Variants in SLC39A11 observed in about 807,000 individuals in gnomAD.
SLC39A11 encodes zinc transporter ZIP11.
SLC39A11 carries 33 observed loss-of-function variants against 36.1 expected under a neutral mutation model. The observed-to-expected ratio is 0.91, with a 90% CI of 0.69 to 1.22. The LOEUF (loss-of-function observed/expected upper bound fraction) is 1.22, where lower values mean the gene tolerates loss of function less well. Ranked by LOEUF, SLC39A11 falls within the 50% of genes most tolerant of loss-of-function variation. The pLI, the probability that SLC39A11 is intolerant of heterozygous loss-of-function variation, is 0.00. For synonymous variants in SLC39A11, 166 were observed against 170.3 expected, an observed-to-expected ratio of 0.97 and a Z score of 0.20; for missense variants, 432 against 430.3, an observed-to-expected ratio of 1.00 and a Z score of -0.03.
chr17:72,865,835 C>G (rs1404880106), intron 5 of SLC39A11, among the ~76,000 whole-genome samples: 2 of 152,012 alleles, frequency 1.3e-5, no homozygotes, highest in African/African-American at 4.8e-5. Context: ...CACATACAAC[C>G]AAGAAAAAAC....
At chr17:72,991,451 G>A (rs1246306883) in intron 4 of SLC39A11, among the ~76,000 whole-genome samples, 1 of 151,550 alleles carries the variant, frequency 6.6e-6, no homozygotes, top group African/African-American at 2.4e-5. Context: ...TCCACCTCCC[G>A]GGTTGAAGCA....
chr17:72,662,639 G>GAAAGAAAGAGAA (rs2070511579), intron 7 of SLC39A11, among the ~76,000 whole-genome samples: 1 of 96,724 alleles, frequency 1.0e-5, no homozygotes, highest in Admixed American at 1.3e-4. Context: ...AAGAAAGAGA[G>GAAAGAAAGAGAA]AAAGAAAAAG....
intron 4 of SLC39A11, among the ~76,000 whole-genome samples, chr17:73,018,792 A>G (rs977769187): frequency 1.3e-5 from 2 of 152,142 alleles, no homozygotes; most frequent in African/African-American, 4.8e-5. Flanking sequence ...CCAGCATACA[A>G]TAAAAAATTA....
At chr17:73,087,740 G>A (rs2060781767) in intron 2 of SLC39A11, among the ~76,000 whole-genome samples, 1 of 152,112 alleles carries the variant, frequency 6.6e-6, no homozygotes, top group African/African-American at 2.4e-5. Context: ...ATGACAGTGA[G>A]TGAGGGCACT....
chr17:72,841,802 C>T (rs1012050296), intron 6 of SLC39A11, among the ~76,000 whole-genome samples: 6 of 152,084 alleles, frequency 3.9e-5, no homozygotes, highest in Non-Finnish European at 7.3e-5. Flanking sequence ...TGGCTCACAC[C>T]TGTAATCCTA....
intron 6 of SLC39A11, chr17:72,838,225 CCTTTT>C (rs1368608080): frequency 2.1e-5 from 8 of 381,810 alleles, no homozygotes; most frequent in African/African-American, 1.1e-4. Flanking sequence ...ATTTTTCTTT[CCTTTT>C]CTTTTTTTTT....
chr17:72,717,226 C>T (rs2567503), intron 7 of SLC39A11, among the ~76,000 whole-genome samples: 130,788 of 151,498 alleles, frequency 0.86, 56,967 homozygotes, highest in African/African-American at 0.96. Context: ...TGGGGCTTTG[C>T]GTCCAACTGT....
At chr17:73,006,493 G>A (rs1406790365) in intron 4 of SLC39A11, among the ~76,000 whole-genome samples, 1 of 152,124 alleles carries the variant, frequency 6.6e-6, no homozygotes, top group Non-Finnish European at 1.5e-5. Context: ...GGGAGAGACA[G>A]CAGCAGATGC....
chr17:72,955,786 C>T (rs1478279573), intron 4 of SLC39A11, among the ~76,000 whole-genome samples: 2 of 152,056 alleles, frequency 1.3e-5, no homozygotes, highest in Non-Finnish European at 2.9e-5. Context: ...TAATACAGAA[C>T]ATACCGATCT....
At chr17:72,986,162 AATTGTGATAT>A (rs1316928012) in intron 4 of SLC39A11, among the ~76,000 whole-genome samples, 1 of 152,154 alleles carries the variant, frequency 6.6e-6, no homozygotes, top group Non-Finnish European at 1.5e-5. Context: ...AAGCTATTCA[AATTGTGATAT>A]ATTGTTCCCA....
intron 5 of SLC39A11, among the ~76,000 whole-genome samples, chr17:72,884,985 C>T (rs2081376955): frequency 6.6e-6 from 1 of 152,106 alleles, no homozygotes; most frequent in Non-Finnish European, 1.5e-5. Flanking sequence ...ATTTATCATC[C>T]CTTTAAAAGG....
intron 5 of SLC39A11, 60 bp downstream of exon 5, chr17:72,947,692 T>A (rs546459878): frequency 6.2e-7 from 1 of 1,610,904 alleles, no homozygotes; most frequent in Admixed American, 1.7e-5. Context: ...CACGTCCATA[T>A]TGCCTGACTC....
At chr17:72,840,231 G>A (rs1283410718) in intron 6 of SLC39A11, among the ~76,000 whole-genome samples, 1 of 152,196 alleles carries the variant, frequency 6.6e-6, no homozygotes, top group Admixed American at 6.5e-5. Flanking sequence ...ACTGTTGTGT[G>A]GTTCTAGCAA....
chr17:72,907,184 A>G (rs927233124), intron 5 of SLC39A11, among the ~76,000 whole-genome samples: 1 of 152,200 alleles, frequency 6.6e-6, no homozygotes, highest in East Asian at 1.9e-4. Flanking sequence ...CAAGGAAAAC[A>G]CCATCAGAAA....
chr17:72,817,299 G>C (rs1448839892), intron 6 of SLC39A11, among the ~76,000 whole-genome samples: 1 of 132,394 alleles, frequency 7.6e-6, no homozygotes, highest in Admixed American at 8.2e-5. Flanking sequence ...GAGACGGAAG[G>C]AAGGAAGGAA....
At chr17:72,752,754 G>T (rs182665013) in intron 6 of SLC39A11, among the ~76,000 whole-genome samples, 13 of 152,256 alleles carry the variant, frequency 8.5e-5, no homozygotes, top group African/African-American at 2.9e-4. Flanking sequence ...CTGCTGAAAA[G>T]TCTGATGCTA....
chr17:72,931,574 G>T (rs1472252838), intron 5 of SLC39A11, among the ~76,000 whole-genome samples: 1 of 152,206 alleles, frequency 6.6e-6, no homozygotes, highest in Non-Finnish European at 1.5e-5. Context: ...ATAGACAGAG[G>T]AGGCTGGGGA....
Position 72,983,338 on chromosome 17 carries a change from G to A in SLC39A11, c.307-35463C>T, listed in dbSNP as rs1266526057. ...CTAATTTTGTATTTTTAGTAGAGAC[G>A]AGGTTTCACCATGTTGGCCAGGCTG... On this transcript the variant is annotated intron_variant, in intron 4 of 9. Transcript: ENST00000255559. Among the ~76,000 whole-genome samples the A allele has an allele frequency of 2.6e-5, 4 of 152,080 alleles. 1 individual carries two copies. Among genetic ancestry groups the A allele is most frequent in the African/African-American group, 4.8e-5 (2 of 41,414 alleles).
chr17:72,695,296 C>T lies in SLC39A11; in HGVS notation c.671+41354G>A, dbSNP rs184960847. On this transcript the variant is annotated intron_variant, in intron 7 of 9. Coordinates refer to ENST00000255559, the MANE Select transcript of SLC39A11 (RefSeq NM_139177.4). ...CATTCCTGGCTTGAGTTTTTCTTCC[C>T]GGCACGTAGTATCCACAGCCTGACA... is the stretch of plus-strand genomic sequence containing the variant. Among the ~76,000 whole-genome samples, 103 of 152,284 alleles carry T rather than the reference C, an allele frequency of 6.8e-4. 1 individual carries two copies. The East Asian group carries it at 0.019, about 28-fold the overall frequency.
Sources: gnomAD v4.1 joint callset for allele counts (sites outside exome capture counted in the v4.1 genomes callset) on GRCh38, gnomAD v4.1.1 for gene constraint, MANE v1.5 for transcripts, NCBI Gene and HGNC (gene_info 2026-07-23, HGNC 2026-07-21) for gene names.